RBFOX1: variants seen among roughly 807,000 people sequenced by gnomAD.
RBFOX1 encodes the protein RNA binding fox-1 homolog 1.
RBFOX1 carries 8 observed loss-of-function variants against 57.7 expected under a neutral mutation model. That is an observed-to-expected ratio of 0.14 (90% CI 0.08 to 0.25). The LOEUF (loss-of-function observed/expected upper bound fraction) is 0.25, where lower values mean the gene tolerates loss of function less well. Ranked by LOEUF, RBFOX1 falls within the 10% of genes least tolerant of loss-of-function variation. The pLI is 1.00. For missense variants in RBFOX1, 611 were observed against 548.5 expected, an observed-to-expected ratio of 1.11 and a Z score of -1.14; for synonymous variants, 326 against 222.4, an observed-to-expected ratio of 1.47 and a Z score of -4.15.
chr16:6,723,148 C>A (rs1427885448), intron 3 of RBFOX1, among the ~76,000 whole-genome samples: 3 of 152,146 alleles, frequency 2.0e-5, no homozygotes, highest in Admixed American at 6.5e-5. Context: ...CTGTAAAACT[C>A]AGTAGTAGCT....
intron 3 of RBFOX1, among the ~76,000 whole-genome samples, chr16:6,985,983 G>C (rs534184007): frequency 6.6e-6 from 1 of 151,226 alleles, no homozygotes; most frequent in Non-Finnish European, 1.5e-5. Context: ...CTTACCGGAC[G>C]AGAGAAATTT....
chr16:6,911,206 A>G (rs1011965153), intron 3 of RBFOX1, among the ~76,000 whole-genome samples: 3 of 148,986 alleles, frequency 2.0e-5, no homozygotes, highest in Non-Finnish European at 4.5e-5. Flanking sequence ...GTGTCTCAAA[A>G]AAAAAAAAAA....
intron 2 of RBFOX1, among the ~76,000 whole-genome samples, chr16:6,391,226 TG>T (rs1195623842): frequency 6.6e-5 from 10 of 152,138 alleles, no homozygotes; most frequent in African/African-American, 2.4e-4. Flanking sequence ...TATCACGATT[TG>T]GGCCAGGCAC....
intron 2 of RBFOX1, among the ~76,000 whole-genome samples, chr16:5,543,386 A>T (rs1046903627): frequency 6.6e-6 from 1 of 152,282 alleles, no homozygotes; most frequent in Admixed American, 6.5e-5. Context: ...GATATTTGAG[A>T]TTTAAATTCA....
intron 4 of RBFOX1, among the ~76,000 whole-genome samples, chr16:7,407,589 G>T (rs754190932): frequency 2.0e-5 from 3 of 152,134 alleles, no homozygotes; most frequent in Non-Finnish European, 4.4e-5. Flanking sequence ...TGTAGGGAAG[G>T]TAAGAGCAGT....
chr16:6,911,309 A>C (rs1265810627), intron 3 of RBFOX1, among the ~76,000 whole-genome samples: 1 of 152,034 alleles, frequency 6.6e-6, no homozygotes, highest in African/African-American at 2.4e-5. Flanking sequence ...CGGCAACAGA[A>C]ATGTTTTGCC....
intron 2 of RBFOX1, among the ~76,000 whole-genome samples, chr16:6,329,592 G>C (rs1202975340): frequency 2.0e-5 from 3 of 152,144 alleles, no homozygotes; most frequent in Non-Finnish European, 1.5e-5. Context: ...GGTGCCTGGA[G>C]ACCTCAGCTA....
At chr16:5,507,959 G>T (rs1285079374) in intron 2 of RBFOX1, among the ~76,000 whole-genome samples, 1 of 152,146 alleles carries the variant, frequency 6.6e-6, no homozygotes, top group Non-Finnish European at 1.5e-5. Flanking sequence ...CTGGTTTGGG[G>T]TGATTTGTTA....
intron 4 of RBFOX1, among the ~76,000 whole-genome samples, chr16:7,154,512 C>T (rs2076704299): frequency 6.6e-6 from 1 of 152,166 alleles, no homozygotes; most frequent in South Asian, 2.1e-4. Context: ...GACCTTCCTA[C>T]AAGGCAGCCA....
At chr16:7,063,714 C>T (rs773448000) in intron 4 of RBFOX1, among the ~76,000 whole-genome samples, 1 of 152,090 alleles carries the variant, frequency 6.6e-6, no homozygotes, top group Non-Finnish European at 1.5e-5. Flanking sequence ...GGAAAAAAAA[C>T]CCAACACACA....
intron 7 of RBFOX1, among the ~76,000 whole-genome samples, chr16:7,591,750 G>T (rs2094452798): frequency 6.6e-6 from 1 of 152,192 alleles, no homozygotes; most frequent in Admixed American, 6.5e-5. Flanking sequence ...CCAGCCCTTT[G>T]CCGAGCAAGC....
intron 14 of RBFOX1, among the ~76,000 whole-genome samples, chr16:7,699,130 G>A (rs1431748095): frequency 6.6e-6 from 1 of 152,132 alleles, no homozygotes; most frequent in Non-Finnish European, 1.5e-5. Context: ...CTAACAAGTT[G>A]CCCCAGATAA....
intron 3 of RBFOX1, among the ~76,000 whole-genome samples, chr16:5,776,030 C>G (rs1305202998): frequency 6.7e-6 from 1 of 148,908 alleles, no homozygotes; most frequent in Non-Finnish European, 1.5e-5. Context: ...CTTCAAGAGC[C>G]CAATGAATCT....
chr16:7,205,534 AG>A (rs2089772456), intron 4 of RBFOX1, among the ~76,000 whole-genome samples: 1 of 151,992 alleles, frequency 6.6e-6, no homozygotes, highest in African/African-American at 2.4e-5. Context: ...AAAAAGAAAA[AG>A]AAAAAAAAGA....
At chr16:7,708,558 C>T (rs879503832) in intron 14 of RBFOX1, among the ~76,000 whole-genome samples, 23 of 152,192 alleles carry the variant, frequency 1.5e-4, no homozygotes, top group Admixed American at 1.5e-3. Context: ...TTCAAATATA[C>T]TTGTTCCTTT....
intron 3 of RBFOX1, among the ~76,000 whole-genome samples, chr16:7,001,411 T>C (rs1185638629): frequency 7.8e-6 from 1 of 128,584 alleles, no homozygotes; most frequent in Admixed American, 8.1e-5. Context: ...TATATGTATA[T>C]GTATATGTAT....
Position 6,801,199 on chromosome 16 carries a change from CAAAAAAA to C in RBFOX1, c.-16+146561_-16+146567del, listed in dbSNP as rs200091675. Among the ~76,000 whole-genome samples, 11 of 91,584 alleles carry C rather than the reference CAAAAAAA, an allele frequency of 1.2e-4. No individual in the cohort carries two copies. The South Asian group carries it at 1.4e-3, about 11-fold the overall frequency. 60.1% of individuals were successfully genotyped at this position (91,584 alleles called of 152,430 possible). A position where few individuals can be genotyped will look rare whatever the true frequency, so the allele number is the denominator to read the frequency against. On this transcript the variant is annotated intron_variant, in intron 3 of 15. Coordinates refer to ENST00000550418, the MANE Select transcript of RBFOX1 (RefSeq NM_018723.4). ...ATGGCAAGAATCAAGATTGAACATG[CAAAAAAA>C]AAAAAAAAAAAGTAACGTTACATAT... is the stretch of plus-strand genomic sequence containing the variant.
At chr16:7,292,120 T>C (rs1270320811) in intron 4 of RBFOX1, among the ~76,000 whole-genome samples, 1 of 77,032 alleles carries the variant, frequency 1.3e-5, no homozygotes. Context: ...ATGTATAATA[T>C]ATAATATATA....
chr16:6,835,054 C>G (rs564441423), intron 3 of RBFOX1, among the ~76,000 whole-genome samples: 1 of 152,006 alleles, frequency 6.6e-6, no homozygotes, highest in Non-Finnish European at 1.5e-5. Context: ...CACCATGCCC[C>G]GGCTAATTTT....
Sources: gnomAD v4.1 joint callset for allele counts (sites outside exome capture counted in the v4.1 genomes callset) on GRCh38, gnomAD v4.1.1 for gene constraint, MANE v1.5 for transcripts, NCBI Gene and HGNC (gene_info 2026-07-23, HGNC 2026-07-21) for gene names.